The following GSK3B variants were observed in gnomAD, a reference collection of about 807,000 sequenced individuals.
GSK3B encodes glycogen synthase kinase 3 beta.
In GSK3B, 15 loss-of-function variants were observed where a neutral mutation model predicts 56.4. The observed-to-expected ratio is 0.27, with a 90% CI of 0.18 to 0.41. The LOEUF (loss-of-function observed/expected upper bound fraction) is 0.41. Among genes scored for constraint, GSK3B ranks in the 10% least tolerant of loss-of-function variants. The probability of loss-of-function intolerance (pLI) is 1.00; values close to 1 mark genes in which losing one functional copy is unlikely to be tolerated. For missense variants in GSK3B, 300 were observed against 513.4 expected (o/e 0.58, Z 4.02); for synonymous variants, 181 against 188.9 (o/e 0.96, Z 0.34).
At chr3:119,889,007 AC>A (rs2056471763) in intron 7 of GSK3B, among the ~76,000 whole-genome samples, 1 of 152,146 alleles carries the variant, frequency 6.6e-6, no homozygotes, top group Admixed American at 6.6e-5. Context: ...TCAAGACAAT[AC>A]GTGCACTGCA....
Position 119,947,354 on chromosome 3 carries a change from GA to G in GSK3B, c.283-4del. The G allele has an allele frequency of 6.4e-7, 1 of 1,551,228 alleles. No individual in the cohort carries two copies. Among genetic ancestry groups the G allele is most frequent in the Non-Finnish European group, 8.9e-7 (1 of 1,123,932 alleles). ...CTCATGATCTGGAGCTCTCGATTCT[GA>G]AAAGGAAACACATAAAAATATATTT... On this transcript the variant is annotated splice_region_variant and splice_polypyrimidine_tract_variant and intron_variant, in intron 2 of 10. Transcript: ENST00000264235.
intron 10 of GSK3B, among the ~76,000 whole-genome samples, chr3:119,838,950 AAAAGG>A (rs66817153): frequency 0.018 from 2,789 of 152,314 alleles, 90 homozygotes; most frequent in African/African-American, 0.064. Context: ...AGAACACAAC[AAAAGG>A]AAAGTTGAAA....
chr3:120,014,785 A>G (rs1275440522), intron 1 of GSK3B, among the ~76,000 whole-genome samples: 1 of 152,232 alleles, frequency 6.6e-6, no homozygotes, highest in Non-Finnish European at 1.5e-5. Context: ...CAGAGAAAAC[A>G]AAATGGACAG....
intron 8 of GSK3B, among the ~76,000 whole-genome samples, chr3:119,875,842 T>C (rs1159460672): frequency 1.3e-5 from 2 of 152,118 alleles, no homozygotes; most frequent in Non-Finnish European, 2.9e-5. Flanking sequence ...TGGTTCTATC[T>C]AATGTTAAGG....
At position 119,954,632 on chromosome 3, in the gene GSK3B, G is replaced by A. The variant is rs148874984; in HGVS notation, c.283-7281C>T. Among the ~76,000 whole-genome samples, 37 of 152,238 alleles carry A rather than the reference G, an allele frequency of 2.4e-4. No individual in the cohort carries two copies. In the East Asian group the frequency reaches 6.0e-3, roughly 25 times the overall value. On this transcript the variant is annotated intron_variant, in intron 2 of 10. Transcript: ENST00000264235. ...AAAATGACTACCCAAGATGGAATAAGCATAATATCAGTATTTAAAAAGTCT... is the reference window on the plus strand; with the variant it reads ...AAAATGACTACCCAAGATGGAATAAACATAATATCAGTATTTAAAAAGTCT...
chr3:119,988,715 T>C (rs1357310417), intron 2 of GSK3B, among the ~76,000 whole-genome samples: 1 of 152,162 alleles, frequency 6.6e-6, no homozygotes, highest in Non-Finnish European at 1.5e-5. Flanking sequence ...AGATATTTGA[T>C]AGTACAAATC....
chr3:119,858,438 C>T (rs1426733346), intron 9 of GSK3B, among the ~76,000 whole-genome samples: 1 of 152,198 alleles, frequency 6.6e-6, no homozygotes, highest in Non-Finnish European at 1.5e-5. Context: ...ATGGAAATGG[C>T]TTCCTTCCTT....
chr3:120,093,698 C>A lies in GSK3B; in HGVS notation c.-264G>T. ...CTTGGGAAAAAATACAATTCTTTCC[C>A]CTCCCTTTCCTGGGAGGAGAGAAAA... On this transcript the variant is annotated 5_prime_UTR_variant, in exon 1 of 11. Coordinates refer to ENST00000264235, the MANE Select transcript of GSK3B (RefSeq NM_001146156.2). 5.6e-6 allele frequency: 2 copies of A among 355,360 alleles called. No individual in the cohort carries two copies. The highest frequency in any genetic ancestry group is 4.5e-5 in the Admixed American group (1 of 22,440). The allele number at this position is 355,360 out of a possible 1,614,324, so 22.0% of individuals were successfully genotyped here.
chr3:119,962,360 A>G (rs2057279999), intron 2 of GSK3B, among the ~76,000 whole-genome samples: 1 of 145,340 alleles, frequency 6.9e-6, no homozygotes, highest in Non-Finnish European at 1.5e-5. Context: ...GGGCAACAAG[A>G]GTGAAACTCT....
At chr3:120,016,554 T>C (rs2057829437) in intron 1 of GSK3B, among the ~76,000 whole-genome samples, 1 of 152,144 alleles carries the variant, frequency 6.6e-6, no homozygotes, top group Admixed American at 6.6e-5. Context: ...AAGAGATGGG[T>C]ATTTAGGCCC....
intron 1 of GSK3B, among the ~76,000 whole-genome samples, chr3:120,071,781 C>T (rs1356109751): frequency 3.3e-5 from 5 of 152,118 alleles, no homozygotes; most frequent in African/African-American, 9.7e-5. Context: ...ATGCTAAAAC[C>T]ATCCACGCTC....
At chr3:120,019,252 T>C (rs1019860028) in intron 1 of GSK3B, among the ~76,000 whole-genome samples, 12 of 151,618 alleles carry the variant, frequency 7.9e-5, no homozygotes, top group Non-Finnish European at 1.6e-4. Flanking sequence ...TGTACCATGT[T>C]ATGAAAAAAA....
intron 7 of GSK3B, among the ~76,000 whole-genome samples, chr3:119,894,584 T>C (rs1325416084): frequency 2.0e-5 from 3 of 151,784 alleles, no homozygotes; most frequent in Non-Finnish European, 4.4e-5. Context: ...CGATTCTTTG[T>C]CCATTTTTCA....
intron 1 of GSK3B, among the ~76,000 whole-genome samples, chr3:120,082,183 A>G (rs2058425275): frequency 6.6e-6 from 1 of 152,136 alleles, no homozygotes; most frequent in Non-Finnish European, 1.5e-5. Flanking sequence ...AAATCTCAAA[A>G]TAAGCTGAAA....
chr3:119,898,594 G>A (rs777052761), intron 7 of GSK3B, among the ~76,000 whole-genome samples: 19 of 152,094 alleles, frequency 1.2e-4, no homozygotes, highest in East Asian at 1.9e-4. Context: ...AGTTTTTCCC[G>A]AAGGTACAAA....
chr3:120,052,825 C>A (rs1446653231), intron 1 of GSK3B, among the ~76,000 whole-genome samples: 1 of 152,156 alleles, frequency 6.6e-6, no homozygotes, highest in Non-Finnish European at 1.5e-5. Context: ...TGAGTAAGTA[C>A]CTAGTTTGTA....
chr3:119,936,235 A>G (rs1186133501), intron 3 of GSK3B, among the ~76,000 whole-genome samples: 2 of 151,116 alleles, frequency 1.3e-5, no homozygotes, highest in African/African-American at 4.8e-5. Context: ...CTTCTGTACT[A>G]GAGACTCTAG....
intron 1 of GSK3B, among the ~76,000 whole-genome samples, chr3:120,006,039 G>A (rs547772615): frequency 2.0e-5 from 3 of 152,104 alleles, no homozygotes; most frequent in South Asian, 2.1e-4. Context: ...CCCATCTCAC[G>A]TGCAAAGACA....
chr3:120,085,281 TA>T (rs1384316937), intron 1 of GSK3B, among the ~76,000 whole-genome samples: 6 of 152,216 alleles, frequency 3.9e-5, no homozygotes, highest in Admixed American at 6.5e-5. Flanking sequence ...TATATCTTAT[TA>T]TTAAAAGTCT....
Sources: gnomAD v4.1 joint callset for allele counts (sites outside exome capture counted in the v4.1 genomes callset) on GRCh38, gnomAD v4.1.1 for gene constraint, MANE v1.5 for transcripts, NCBI Gene and HGNC (gene_info 2026-07-23, HGNC 2026-07-21) for gene names.